CACNA2D3: variants seen among roughly 807,000 people sequenced by gnomAD.
CACNA2D3 encodes calcium voltage-gated channel auxiliary subunit alpha2delta 3.
A neutral mutation model predicts 160.6 loss-of-function variants in CACNA2D3; 60 were observed. The ratio of observed to expected loss-of-function variants is 0.37; its 90% CI spans 0.30 to 0.46. CACNA2D3 has a LOEUF of 0.46. Ranked by LOEUF, CACNA2D3 falls within the 20% of genes least tolerant of loss-of-function variation. CACNA2D3 has a pLI of 1.00. For synonymous variants in CACNA2D3, 558 were observed against 492.9 expected, an observed-to-expected ratio of 1.13 and a Z score of -1.75; for missense variants, 1,205 against 1,365.0, an observed-to-expected ratio of 0.88 and a Z score of 1.85.
chr3:55,046,190 C>A (rs997159747), intron 35 of CACNA2D3, among the ~76,000 whole-genome samples: 7 of 147,494 alleles, frequency 4.7e-5, no homozygotes, highest in Admixed American at 4.7e-4. Context: ...CATGCTGGTG[C>A]GCTGCACCCA....
In CACNA2D3 at chr3:54,206,034, C is replaced by G. The variant is rs1701270400; in HGVS notation, c.204+82440C>G. Among the ~76,000 whole-genome samples the G allele has an allele frequency of 2.6e-5, 4 of 152,136 alleles. No individual in the cohort carries two copies. In the South Asian group the frequency reaches 8.3e-4, roughly 32 times the overall value. On this transcript the variant is annotated intron_variant, in intron 2 of 37. Coordinates refer to ENST00000474759, the MANE Select transcript of CACNA2D3 (RefSeq NM_018398.3). ...TGGTTGCTTAATCGATTTGGCAAGC[C>G]TGTGTTATATGTATGTATTACCTTG...
chr3:55,049,060 G>A (rs1232425171), intron 35 of CACNA2D3, among the ~76,000 whole-genome samples: 2 of 151,254 alleles, frequency 1.3e-5, no homozygotes, highest in East Asian at 3.9e-4. Flanking sequence ...CCAGCTCCTG[G>A]ATTCATTAAT....
chr3:54,137,583 T>C (rs2107262413), intron 2 of CACNA2D3, among the ~76,000 whole-genome samples: 1 of 152,362 alleles, frequency 6.6e-6, no homozygotes, highest in Middle Eastern at 3.4e-3. Context: ...TTCAAACTTC[T>C]TAAACCGTGG....
chr3:54,905,290 A>T (rs1196112482), intron 27 of CACNA2D3, among the ~76,000 whole-genome samples: 1 of 152,190 alleles, frequency 6.6e-6, no homozygotes, highest in Non-Finnish European at 1.5e-5. Flanking sequence ...CCATTTAACC[A>T]GCTAATTAGG....
chr3:54,334,243 C>G (rs773251599), intron 3 of CACNA2D3, among the ~76,000 whole-genome samples: 1 of 152,038 alleles, frequency 6.6e-6, no homozygotes, highest in African/African-American at 2.4e-5. Flanking sequence ...CTCGCCACGA[C>G]GCTCAGCTAA....
intron 11 of CACNA2D3, among the ~76,000 whole-genome samples, chr3:54,709,613 TG>T: frequency 6.6e-6 from 1 of 152,262 alleles, no homozygotes; most frequent in South Asian, 2.1e-4. Context: ...CCTTCTGCCT[TG>T]GAAGTCTTAT....
intron 2 of CACNA2D3, among the ~76,000 whole-genome samples, chr3:54,278,100 A>G (rs1702786761): frequency 6.6e-6 from 1 of 152,246 alleles, no homozygotes; most frequent in Non-Finnish European, 1.5e-5. Flanking sequence ...TCCATCTGAC[A>G]AAGGGCTAAT....
chr3:54,318,523 C>G (rs2107506013), intron 2 of CACNA2D3, among the ~76,000 whole-genome samples: 1 of 151,972 alleles, frequency 6.6e-6, no homozygotes, highest in East Asian at 1.9e-4. Flanking sequence ...CTTAATTTTT[C>G]CAGGGTCAAC....
intron 3 of CACNA2D3, among the ~76,000 whole-genome samples, chr3:54,349,110 G>A (rs1366415709): frequency 6.6e-6 from 1 of 152,196 alleles, no homozygotes; most frequent in African/African-American, 2.4e-5. Flanking sequence ...GAGAAAATGG[G>A]TCTGGGGTGG....
rs145885367 is a variant in CACNA2D3 at position 54,133,853 on chromosome 3, C to G, written c.204+10259C>G. On this transcript the variant is annotated intron_variant, in intron 2 of 37. Transcript: ENST00000474759. ...AGGAAAGCCAGTGTGGGCTCTTAAA[C>G]TCTGGGACCAGATGGATCTGGCTTT... 4.2e-3 allele frequency among the ~76,000 whole-genome samples: 643 copies of G among 152,212 alleles called. 3 individuals carry two copies. The highest frequency in any genetic ancestry group is 0.014 in the Middle Eastern group (4 of 294).
intron 2 of CACNA2D3, among the ~76,000 whole-genome samples, chr3:54,231,949 G>C (rs1445436774): frequency 6.6e-6 from 1 of 152,178 alleles, no homozygotes; most frequent in Non-Finnish European, 1.5e-5. Flanking sequence ...CGCAGCTGCC[G>C]TTGCTTGTTC....
intron 27 of CACNA2D3, among the ~76,000 whole-genome samples, chr3:54,904,270 C>A (rs1700405728): frequency 6.6e-6 from 1 of 152,146 alleles, no homozygotes; most frequent in Admixed American, 6.5e-5. Flanking sequence ...GAGACCTGGC[C>A]CACTAGTCCA....
At chr3:54,487,180 A>C (rs904449457) in intron 4 of CACNA2D3, among the ~76,000 whole-genome samples, 5 of 152,128 alleles carry the variant, frequency 3.3e-5, no homozygotes, top group Non-Finnish European at 5.9e-5. Flanking sequence ...CAGCCTGGGC[A>C]ACATAGTGAG....
intron 16 of CACNA2D3, among the ~76,000 whole-genome samples, chr3:54,845,987 C>T (rs980662493): frequency 1.3e-5 from 2 of 152,106 alleles, no homozygotes; most frequent in Non-Finnish European, 2.9e-5. Context: ...AGTGAGGCAG[C>T]GTGGGGACCC....
intron 4 of CACNA2D3, among the ~76,000 whole-genome samples, chr3:54,472,984 TC>T (rs1700762912): frequency 6.6e-6 from 1 of 152,006 alleles, no homozygotes; most frequent in African/African-American, 2.4e-5. Context: ...TTCAGCGCTG[TC>T]CCCATCAAGC....
chr3:54,125,125 G>A (rs1440766379), intron 2 of CACNA2D3, among the ~76,000 whole-genome samples: 1 of 152,076 alleles, frequency 6.6e-6, no homozygotes, highest in Admixed American at 6.5e-5. Context: ...TGTAGTTGTA[G>A]CAACTCTAAA....
chr3:54,568,055 A>G lies in CACNA2D3; in HGVS notation c.677-1740A>G, dbSNP rs182874103. Among the ~76,000 whole-genome samples, 7 of 152,352 alleles carry G rather than the reference A, an allele frequency of 4.6e-5. No individual in the cohort carries two copies. The East Asian group carries it at 1.3e-3, about 29-fold the overall frequency. On this transcript the variant is annotated intron_variant, in intron 6 of 37. Transcript: ENST00000474759. The stretch of plus-strand genomic sequence containing the variant: ...TTACACAGTCTCAGACCTCATTGCC[A>G]CACAGAATTATGTTGGGAACATGTG...
At chr3:54,934,442 G>T (rs753851471) in intron 27 of CACNA2D3, among the ~76,000 whole-genome samples, 2 of 152,172 alleles carry the variant, frequency 1.3e-5, no homozygotes, top group Admixed American at 1.3e-4. Context: ...TAAGAATTCA[G>T]GTTCAAGGAA....
intron 13 of CACNA2D3, among the ~76,000 whole-genome samples, chr3:54,803,571 A>G (rs1302808906): frequency 6.6e-6 from 1 of 152,236 alleles, no homozygotes; most frequent in Non-Finnish European, 1.5e-5. Context: ...AAACAAATCT[A>G]CATCTGATTG....
Sources: allele counts gnomAD v4.1 joint callset (sites outside exome capture counted in the v4.1 genomes callset), GRCh38; gene constraint gnomAD v4.1.1; transcripts MANE v1.5; gene names NCBI Gene and HGNC (gene_info 2026-07-23, HGNC 2026-07-21).